Variants in PPP2R2B observed in about 807,000 individuals in gnomAD.
The protein encoded by PPP2R2B is serine/threonine-protein phosphatase 2A 55 kDa regulatory subunit B beta isoform.
Under a neutral mutation model 46.0 loss-of-function variants are expected in PPP2R2B, and 5 were observed. The observed-to-expected ratio is 0.11, with a 90% CI of 0.06 to 0.23. The LOEUF is 0.23. Among genes scored for constraint, PPP2R2B ranks in the 10% least tolerant of loss-of-function variants. The probability of loss-of-function intolerance (pLI) is 1.00; values close to 1 mark genes in which losing one functional copy is unlikely to be tolerated. For missense variants in PPP2R2B, 367 were observed against 575.0 expected, an observed-to-expected ratio of 0.64 and a Z score of 3.70; for synonymous variants, 215 against 206.7, an observed-to-expected ratio of 1.04 and a Z score of -0.34.
chr5:146,632,021 A>C (rs1041407964), intron 7 of PPP2R2B, among the ~76,000 whole-genome samples: 11 of 150,300 alleles, frequency 7.3e-5, no homozygotes, highest in Non-Finnish European at 1.3e-4. Context: ...TGTGTTCTTG[A>C]TGACTTTTAT....
chr5:146,691,328 G>C, intron 4 of PPP2R2B, 88 bp from the exon 5 acceptor site: 1 of 998,596 alleles, frequency 1.0e-6, no homozygotes, highest in Non-Finnish European at 1.5e-6. Context: ...GAGAGGAAGA[G>C]GTAAGGATGG....
intron 2 of PPP2R2B, among the ~76,000 whole-genome samples, chr5:146,764,451 C>T (rs1042526845): frequency 1.3e-5 from 2 of 152,172 alleles, no homozygotes; most frequent in Non-Finnish European, 2.9e-5. Flanking sequence ...TCTATTGCCT[C>T]TTCTGGATGG....
intron 1 of PPP2R2B, among the ~76,000 whole-genome samples, chr5:146,942,194 A>G (rs181874109): frequency 2.8e-4 from 42 of 152,358 alleles, no homozygotes; most frequent in Admixed American, 1.6e-3. Flanking sequence ...TAGGACTTTA[A>G]CATATTTTGG....
At chr5:146,690,913 A>T (rs1324299667) in intron 5 of PPP2R2B, among the ~76,000 whole-genome samples, 1 of 152,220 alleles carries the variant, frequency 6.6e-6, no homozygotes, top group Admixed American at 6.5e-5. Flanking sequence ...GTCTTCTGGG[A>T]CAAAAGGAAA....
At chr5:146,753,744 G>A (rs1372803379) in intron 2 of PPP2R2B, among the ~76,000 whole-genome samples, 3 of 152,124 alleles carry the variant, frequency 2.0e-5, no homozygotes, top group African/African-American at 7.2e-5. Context: ...GGGAATAGCT[G>A]CTACTGAAAT....
chr5:146,720,291 C>T (rs976574952), intron 2 of PPP2R2B, among the ~76,000 whole-genome samples: 26 of 152,198 alleles, frequency 1.7e-4, no homozygotes, highest in African/African-American at 6.0e-4. Context: ...ACAGTCAAAT[C>T]ACAACTAAGG....
intron 3 of PPP2R2B, 95 bp from the exon 4 acceptor site, chr5:146,698,239 T>G (rs1581901399): frequency 9.9e-7 from 1 of 1,012,598 alleles, no homozygotes; most frequent in Non-Finnish European, 1.3e-6. Flanking sequence ...TCATTGGGGG[T>G]GGGATGAGGG....
At chr5:146,885,731 C>T (rs1265227811) in intron 1 of PPP2R2B, among the ~76,000 whole-genome samples, 1 of 152,166 alleles carries the variant, frequency 6.6e-6, no homozygotes, top group Non-Finnish European at 1.5e-5. Context: ...AAATGTCCAT[C>T]AACTGATAGA....
intron 5 of PPP2R2B, among the ~76,000 whole-genome samples, chr5:146,660,681 G>T (rs557938896): frequency 6.6e-6 from 1 of 152,114 alleles, no homozygotes; most frequent in Non-Finnish European, 1.5e-5. Flanking sequence ...GCCTCAATAT[G>T]TCCCTAATTT....
chr5:147,004,212 A>G (rs1329754247), intron 1 of PPP2R2B, among the ~76,000 whole-genome samples: 2 of 152,182 alleles, frequency 1.3e-5, no homozygotes, highest in Non-Finnish European at 2.9e-5. Flanking sequence ...AAGACTGTCC[A>G]ATGAGAAACA....
chr5:146,773,697 CTCT>C (rs1755007365), intron 2 of PPP2R2B, among the ~76,000 whole-genome samples: 1 of 152,252 alleles, frequency 6.6e-6, no homozygotes, highest in Admixed American at 6.5e-5. Flanking sequence ...TTTGAGAATT[CTCT>C]TTTTTTCTGC....
intron 2 of PPP2R2B, among the ~76,000 whole-genome samples, chr5:146,809,067 C>A (rs1480845515): frequency 6.6e-6 from 1 of 151,800 alleles, no homozygotes; most frequent in African/African-American, 2.4e-5. Flanking sequence ...AAAAGACATA[C>A]CAAGGACTTG....
intron 5 of PPP2R2B, among the ~76,000 whole-genome samples, chr5:146,661,584 T>C (rs1309214446): frequency 6.6e-6 from 1 of 152,180 alleles, no homozygotes; most frequent in Non-Finnish European, 1.5e-5. Context: ...GGGGAATTAA[T>C]GTATATATTT....
Position 146,584,556 on chromosome 5 carries a change from A to C in PPP2R2B, c.*5391T>G, listed in dbSNP as rs1424239345. ...GATAAAACTTCCTGCTACGTCATCT[A>C]ACCCTTTTGAGTCTGTTTCTCGCTA... is the stretch of plus-strand genomic sequence containing the variant. On this transcript the variant is annotated 3_prime_UTR_variant, in exon 10 of 10. Transcript: ENST00000394411. 2 of 152,216 alleles carry C rather than the reference A, an allele frequency of 1.3e-5. No individual in the cohort carries two copies. The highest frequency in any genetic ancestry group is 4.8e-5 in the African/African-American group (2 of 41,454). 9.4% of individuals were successfully genotyped at this position (152,216 alleles called of 1,614,324 possible). A position where few individuals can be genotyped will look rare whatever the true frequency, so the allele number is the denominator to read the frequency against.
At chr5:146,590,777 G>A (rs909581475) in intron 9 of PPP2R2B, among the ~76,000 whole-genome samples, 2 of 152,160 alleles carry the variant, frequency 1.3e-5, no homozygotes, top group African/African-American at 4.8e-5. Context: ...CTCCCCTGCC[G>A]AGAACTAGCT....
chr5:146,829,676 G>A (rs1367620721), intron 2 of PPP2R2B, among the ~76,000 whole-genome samples: 2 of 152,152 alleles, frequency 1.3e-5, no homozygotes, highest in African/African-American at 4.8e-5. Context: ...TAAAAGAGGC[G>A]CAGGTTAAGG....
At chr5:146,676,909 T>C (rs1040462751) in intron 5 of PPP2R2B, among the ~76,000 whole-genome samples, 4 of 152,188 alleles carry the variant, frequency 2.6e-5, no homozygotes, top group Non-Finnish European at 5.9e-5. Flanking sequence ...CATATCTAAT[T>C]GGGACTGGTG....
At chr5:146,827,744 C>T (rs1338178865) in intron 2 of PPP2R2B, among the ~76,000 whole-genome samples, 2 of 152,086 alleles carry the variant, frequency 1.3e-5, no homozygotes, top group Non-Finnish European at 2.9e-5. Flanking sequence ...ACTTTCCTGG[C>T]TTTGCTGCTC....
At chr5:146,889,882 A>G (rs1282881759) in intron 1 of PPP2R2B, among the ~76,000 whole-genome samples, 1 of 152,226 alleles carries the variant, frequency 6.6e-6, no homozygotes, top group Non-Finnish European at 1.5e-5. Flanking sequence ...AGTTATAGCT[A>G]AAAAATGGGC....
Sources: allele counts gnomAD v4.1 joint callset (sites outside exome capture counted in the v4.1 genomes callset), GRCh38; gene constraint gnomAD v4.1.1; transcripts MANE v1.5; gene names NCBI Gene and HGNC (gene_info 2026-07-23, HGNC 2026-07-21).